Variants in NAA60 observed in about 807,000 individuals in gnomAD.
NAA60 encodes the protein N-alpha-acetyltransferase 60.
NAA60 carries 8 observed loss-of-function variants against 26.1 expected under a neutral mutation model. The ratio of observed to expected loss-of-function variants is 0.31; its 90% CI spans 0.18 to 0.55. The LOEUF (loss-of-function observed/expected upper bound fraction) is 0.55, where lower values mean the gene tolerates loss of function less well. Among genes scored for constraint, NAA60 ranks in the 20% least tolerant of loss-of-function variants. The pLI is 0.93. For synonymous variants in NAA60, 131 were observed against 122.5 expected (o/e 1.07, Z -0.46); for missense variants, 290 against 311.3 (o/e 0.93, Z 0.51).
chr16:3,443,761 G>T lies in NAA60; in HGVS notation c.-153G>T. On this transcript the variant is annotated 5_prime_UTR_variant, in exon 1 of 8. Transcript: ENST00000407558. The stretch of plus-strand genomic sequence containing the variant: ...TAGAGTCTTAGGGTGACCCCAGGGG[G>T]ACGTAATGTTTCCGAGAAGAAGGAC... The T allele has an allele frequency of 1.3e-6, 2 of 1,533,610 alleles. No individual in the cohort carries two copies. Among genetic ancestry groups the T allele is most frequent in the African/African-American group, 1.4e-5 (1 of 73,088 alleles).
At chr16:3,467,134 C>T (rs369030298) in intron 2 of NAA60, among the ~76,000 whole-genome samples, 11 of 152,176 alleles carry the variant, frequency 7.2e-5, no homozygotes, top group Admixed American at 1.3e-4. Flanking sequence ...GGTTGGGGGG[C>T]GGCCTTTAGA....
intron 4 of NAA60, among the ~76,000 whole-genome samples, chr16:3,480,636 G>A (rs950710462): frequency 2.0e-5 from 3 of 150,998 alleles, no homozygotes; most frequent in African/African-American, 7.3e-5. Context: ...GTTAGAGAAG[G>A]CCTGGGCACA....
rs191071656 is a variant in NAA60 at position 3,463,457 on chromosome 16, C to T, written c.-6-12765C>T. Among the ~76,000 whole-genome samples the T allele has an allele frequency of 7.4e-5, 11 of 148,054 alleles. 1 individual carries two copies. The highest frequency in any genetic ancestry group is 1.3e-4 in the Non-Finnish European group (9 of 67,518). ...TGTCAGCTACTTGCGGAGGCTGAGGCAGGAGGATTACTTGAGCCCAGGAGG... is the reference window on the plus strand; with the variant it reads ...TGTCAGCTACTTGCGGAGGCTGAGGTAGGAGGATTACTTGAGCCCAGGAGG... On this transcript the variant is annotated intron_variant, in intron 2 of 7. Transcript: ENST00000407558.
At chr16:3,472,247 C>A (rs895026725) in intron 2 of NAA60, 2 of 152,134 alleles carry the variant, frequency 1.3e-5, no homozygotes, top group Non-Finnish European at 2.9e-5. Flanking sequence ...TACAAGATCC[C>A]GTGGCCCATG....
At position 3,474,026 on chromosome 16, in the gene NAA60, T is replaced by C. The variant is rs370175459; in HGVS notation, c.-6-2196T>C. ...TCATATTACAGGCATGAGCCACCAT[T>C]CCCGGCCTATTTTTAAAGGGTCTGG... is the stretch of plus-strand genomic sequence containing the variant. On this transcript the variant is annotated intron_variant, in intron 2 of 7. Coordinates refer to ENST00000407558, the MANE Select transcript of NAA60 (RefSeq NM_001083601.3). Among the ~76,000 whole-genome samples the C allele has an allele frequency of 2.7e-4, 40 of 147,646 alleles. 1 individual carries two copies. The East Asian group carries it at 7.8e-3, about 29-fold the overall frequency.
chr16:3,449,395 G>A (rs953011488), intron 2 of NAA60, among the ~76,000 whole-genome samples: 1 of 152,140 alleles, frequency 6.6e-6, no homozygotes, highest in Non-Finnish European at 1.5e-5. Context: ...GTGGGCACCT[G>A]TAGTCCCAGC....
chr16:3,477,351 T>A (rs568910810), intron 3 of NAA60, among the ~76,000 whole-genome samples: 1 of 152,350 alleles, frequency 6.6e-6, no homozygotes, highest in South Asian at 2.1e-4. Context: ...ATAAACAAGA[T>A]CTTGCCAGCC....
At chr16:3,453,655 G>A (rs2034870630) in intron 2 of NAA60, among the ~76,000 whole-genome samples, 1 of 152,066 alleles carries the variant, frequency 6.6e-6, no homozygotes, top group East Asian at 1.9e-4. Flanking sequence ...TGATCTGCCT[G>A]CCTCAGCCTC....
chr16:3,476,497 G>A (rs1029280338), intron 3 of NAA60, among the ~76,000 whole-genome samples, 160 bp downstream of exon 3: 1 of 152,220 alleles, frequency 6.6e-6, no homozygotes, highest in African/African-American at 2.4e-5. Flanking sequence ...CCTCATCTAG[G>A]GACCCCTGCT....
At chr16:3,474,528 G>A (rs1291033876) in intron 2 of NAA60, among the ~76,000 whole-genome samples, 3 of 152,274 alleles carry the variant, frequency 2.0e-5, no homozygotes, top group Non-Finnish European at 4.4e-5. Context: ...GAAAGGGAAG[G>A]TTGTGCAGAA....
intron 2 of NAA60, among the ~76,000 whole-genome samples, chr16:3,461,198 A>T (rs1031930904): frequency 3.9e-5 from 6 of 152,128 alleles, no homozygotes; most frequent in African/African-American, 7.2e-5. Context: ...ATATAATAGG[A>T]TTAACATTCT....
chr16:3,448,485 G>C lies in NAA60; in HGVS notation c.-62G>C, dbSNP rs1382936936. 1.3e-6 allele frequency: 2 copies of C among 1,535,544 alleles called. No homozygotes were observed. Among genetic ancestry groups the C allele is most frequent in the Non-Finnish European group, 1.7e-6 (2 of 1,146,850 alleles). On this transcript the variant is annotated 5_prime_UTR_variant, in exon 2 of 8. Transcript: ENST00000407558. ...CTCCCCTGCAGCATACAGAAAGGCT[G>C]TACCTGGAGGAAGGAAGTGCGGAGC...
intron 1 of NAA60, chr16:3,447,521 A>G: frequency 1.0e-6 from 1 of 985,424 alleles, no homozygotes. Flanking sequence ...AAACATAAGT[A>G]TGGCTCTGGT....
At chr16:3,453,510 G>C (rs1166196157) in intron 2 of NAA60, among the ~76,000 whole-genome samples, 1 of 152,184 alleles carries the variant, frequency 6.6e-6, no homozygotes, top group African/African-American at 2.4e-5. Context: ...CCAGGTTCAA[G>C]CGATTCTTCT....
intron 1 of NAA60, chr16:3,447,702 A>G (rs2034610266): frequency 5.5e-6 from 5 of 907,240 alleles, no homozygotes; most frequent in Non-Finnish European, 6.6e-6. Context: ...CAGTTAGAAA[A>G]CTGTTGCTAC....
At chr16:3,445,300 A>C (rs1398764220) in intron 1 of NAA60, among the ~76,000 whole-genome samples, 1 of 140,294 alleles carries the variant, frequency 7.1e-6, no homozygotes, top group Non-Finnish European at 1.5e-5. Context: ...TTTTTGAGAC[A>C]GTCTCACTCT....
At chr16:3,455,929 T>C (rs767308187) in intron 2 of NAA60, among the ~76,000 whole-genome samples, 3 of 151,794 alleles carry the variant, frequency 2.0e-5, no homozygotes, top group African/African-American at 7.3e-5. Context: ...ATGGTCTCGA[T>C]ATCTTGACCT....
In NAA60 at chr16:3,479,535, T is replaced by C; in HGVS notation, c.175T>C (p.Tyr59His). The C allele has an allele frequency of 1.2e-6, 2 of 1,613,996 alleles. No individual in the cohort carries two copies. Among genetic ancestry groups the C allele is most frequent in the Non-Finnish European group, 1.7e-6 (2 of 1,179,840 alleles). ...GAAGTTCTTTTCCCTTGCTGCAACCTACAGAGGTGCCATTGTGGGAATGAT... is the reference window on the plus strand; with the variant it reads ...GAAGTTCTTTTCCCTTGCTGCAACCCACAGAGGTGCCATTGTGGGAATGAT... Reference protein sequence around the residue: ...NKKFFSLAATYRGAIVGMIVA... With the variant: ...NKKFFSLAATHRGAIVGMIVA... The change falls in exon 4 of 8, where the codon TAC becomes CAC. Residue 59 changes from tyrosine to histidine, a missense_variant. Physicochemically the swap from Tyr to His is moderately conservative, Grantham distance 83 (BLOSUM62 2). Coordinates refer to ENST00000407558, the MANE Select transcript of NAA60 (RefSeq NM_001083601.3).
intron 1 of NAA60, among the ~76,000 whole-genome samples, chr16:3,447,956 T>A (rs1022486825): frequency 6.6e-6 from 1 of 152,200 alleles, no homozygotes; most frequent in African/African-American, 2.4e-5. Flanking sequence ...CCCAACAGAA[T>A]TCTTTTTCAG....
Sources: gnomAD v4.1 joint callset for allele counts (sites outside exome capture counted in the v4.1 genomes callset) on GRCh38, gnomAD v4.1.1 for gene constraint, MANE v1.5 for transcripts, NCBI Gene and HGNC (gene_info 2026-07-23, HGNC 2026-07-21) for gene names.